The following RGS7 variants were observed in gnomAD, a reference collection of about 807,000 sequenced individuals.
RGS7 encodes regulator of G protein signaling 7.
RGS7 carries 27 observed loss-of-function variants against 81.1 expected under a neutral mutation model. That is an observed-to-expected ratio of 0.33 (90% CI 0.25 to 0.46). The LOEUF (loss-of-function observed/expected upper bound fraction) is 0.46, where lower values mean the gene tolerates loss of function less well. Ranked by LOEUF, RGS7 falls within the 20% of genes least tolerant of loss-of-function variation. RGS7 has a pLI of 1.00. For synonymous variants in RGS7, 208 were observed against 207.7 expected, an observed-to-expected ratio of 1.00 and a Z score of -0.01; for missense variants, 396 against 607.4, an observed-to-expected ratio of 0.65 and a Z score of 3.66.
chr1:240,987,823 GCT>G (rs1384559869), intron 3 of RGS7, among the ~76,000 whole-genome samples: 1 of 152,104 alleles, frequency 6.6e-6, no homozygotes, highest in Non-Finnish European at 1.5e-5. Flanking sequence ...GAGCCACCAG[GCT>G]CAGCCAACTA....
chr1:240,811,203 T>G (rs1459896112), intron 14 of RGS7, among the ~76,000 whole-genome samples: 1 of 152,200 alleles, frequency 6.6e-6, no homozygotes, highest in Non-Finnish European at 1.5e-5. Flanking sequence ...ATGAAAGAAC[T>G]CATGAAACAA....
At chr1:240,885,713 G>A (rs374740190) in intron 6 of RGS7, among the ~76,000 whole-genome samples, 1 of 152,060 alleles carries the variant, frequency 6.6e-6, no homozygotes, top group East Asian at 1.9e-4. Context: ...TCATGGACAC[G>A]AAGAGGGGAG....
At chr1:240,964,997 T>C (rs541259835) in intron 4 of RGS7, among the ~76,000 whole-genome samples, 8 of 152,344 alleles carry the variant, frequency 5.3e-5, no homozygotes, top group Non-Finnish European at 1.2e-4. Context: ...TGGAACTTTA[T>C]CAGATACGTT....
chr1:241,341,381 C>A (rs181653562), intron 2 of RGS7, among the ~76,000 whole-genome samples: 88 of 152,210 alleles, frequency 5.8e-4, no homozygotes, highest in African/African-American at 2.0e-3. Context: ...CAGGTTTTCA[C>A]ATATAAATGG....
rs116963107 is a variant in RGS7 at position 241,079,983 on chromosome 1, C to T, written c.175+18683G>A. Reference sequence around the variant, plus strand: ...AAACAATTTCAAGAGAAGATTACTACAAAATGAAAATGTAATATGTCTGCA... The same window carrying T: ...AAACAATTTCAAGAGAAGATTACTATAAAATGAAAATGTAATATGTCTGCA... On this transcript the variant is annotated intron_variant, in intron 3 of 18. Transcript: ENST00000440928. Among the ~76,000 whole-genome samples, 53 of 152,140 alleles carry T rather than the reference C, an allele frequency of 3.5e-4. 1 individual carries two copies. In the East Asian group the frequency reaches 9.1e-3, roughly 26 times the overall value.
chr1:241,043,711 C>A, intron 3 of RGS7, among the ~76,000 whole-genome samples: 1 of 149,968 alleles, frequency 6.7e-6, no homozygotes, highest in African/African-American at 2.4e-5. Flanking sequence ...AAAACAAGAA[C>A]AATTAAAAAA....
chr1:240,965,128 C>T (rs2148487927), intron 4 of RGS7, among the ~76,000 whole-genome samples: 1 of 152,188 alleles, frequency 6.6e-6, no homozygotes, highest in African/African-American at 2.4e-5. Flanking sequence ...TGTTTATGGC[C>T]CTATTTTCTT....
chr1:241,243,814 C>A (rs1055203537), intron 2 of RGS7, among the ~76,000 whole-genome samples: 9 of 152,300 alleles, frequency 5.9e-5, no homozygotes, highest in African/African-American at 2.2e-4. Flanking sequence ...CATCCTGGAG[C>A]ATCCAGCAGA....
intron 2 of RGS7, among the ~76,000 whole-genome samples, chr1:241,339,647 G>A (rs1413487660): frequency 3.9e-5 from 6 of 152,184 alleles, no homozygotes; most frequent in African/African-American, 1.2e-4. Context: ...TTGTTCTACC[G>A]TCATAAACTC....
intron 3 of RGS7, among the ~76,000 whole-genome samples, chr1:241,036,864 T>A (rs2060356249): frequency 6.6e-6 from 1 of 152,120 alleles, no homozygotes; most frequent in Non-Finnish European, 1.5e-5. Flanking sequence ...ACCTCCAAGG[T>A]GTCAACCTCC....
At chr1:240,920,759 G>A (rs1163886004) in intron 6 of RGS7, 1 of 548,764 alleles carries the variant, frequency 1.8e-6, no homozygotes. Flanking sequence ...ATACTCACGT[G>A]TATGGGCAAA....
At position 240,839,281 on chromosome 1, in the gene RGS7, A is replaced by G. The variant is rs185429413; in HGVS notation, c.610-12109T>C. On this transcript the variant is annotated intron_variant, in intron 9 of 18. Transcript: ENST00000440928. The stretch of plus-strand genomic sequence containing the variant: ...CTGATGTGGATCAGAAAACTATACA[A>G]ATGCTCCTTTGCCACAGGGTCTCAC... Among the ~76,000 whole-genome samples, 5 of 152,276 alleles carry G rather than the reference A, an allele frequency of 3.3e-5. No homozygotes were observed. The East Asian group carries it at 9.7e-4, about 30-fold the overall frequency.
chr1:241,335,872 T>C (rs1264519117), intron 2 of RGS7, among the ~76,000 whole-genome samples: 1 of 152,148 alleles, frequency 6.6e-6, no homozygotes, highest in Non-Finnish European at 1.5e-5. Context: ...CAGGGAGATA[T>C]TAAAAACTGT....
chr1:240,789,815 C>T (rs367680556), intron 18 of RGS7, among the ~76,000 whole-genome samples: 1 of 152,162 alleles, frequency 6.6e-6, no homozygotes, highest in South Asian at 2.1e-4. Context: ...CGCCCTGCCT[C>T]CATTTACCTT....
At chr1:241,033,242 C>A (rs2060168970) in intron 3 of RGS7, among the ~76,000 whole-genome samples, 3 of 151,920 alleles carry the variant, frequency 2.0e-5, no homozygotes. Flanking sequence ...TCCCACCTAC[C>A]CAGGAGGCTG....
chr1:241,205,813 G>A (rs2073842060), intron 2 of RGS7, among the ~76,000 whole-genome samples: 1 of 152,040 alleles, frequency 6.6e-6, no homozygotes, highest in African/African-American at 2.4e-5. Context: ...ATGCTCCTAT[G>A]AATAATACTA....
intron 3 of RGS7, among the ~76,000 whole-genome samples, chr1:241,071,502 T>G (rs1349270370): frequency 2.0e-5 from 3 of 151,704 alleles, no homozygotes; most frequent in East Asian, 3.9e-4. Flanking sequence ...TAAGTGTTTT[T>G]TTTTTTTTTG....
intron 2 of RGS7, among the ~76,000 whole-genome samples, chr1:241,189,914 G>GACCAT (rs1461188474): frequency 1.3e-5 from 2 of 151,956 alleles, no homozygotes; most frequent in East Asian, 3.9e-4. Flanking sequence ...AGGAGATCGA[G>GACCAT]CCCACGGTGA....
At chr1:241,212,674 T>C (rs368801163) in intron 2 of RGS7, among the ~76,000 whole-genome samples, 12 of 152,156 alleles carry the variant, frequency 7.9e-5, no homozygotes, top group East Asian at 3.8e-4. Context: ...CTCATTTCAA[T>C]TGAAGAAATC....
Sources: allele counts gnomAD v4.1 joint callset (sites outside exome capture counted in the v4.1 genomes callset), GRCh38; gene constraint gnomAD v4.1.1; transcripts MANE v1.5; gene names NCBI Gene and HGNC (gene_info 2026-07-23, HGNC 2026-07-21).